MARCHF3: variants seen among roughly 807,000 people sequenced by gnomAD.
MARCHF3 encodes the protein E3 ubiquitin-protein ligase MARCHF3.
Under a neutral mutation model 24.2 loss-of-function variants are expected in MARCHF3, and 13 were observed. That is an observed-to-expected ratio of 0.54 (90% CI 0.35 to 0.85). The LOEUF is 0.85. Among genes scored for constraint, MARCHF3 ranks in the 40% least tolerant of loss-of-function variants. The pLI is 0.01. For missense variants in MARCHF3, 276 were observed against 325.0 expected (o/e 0.85, Z 1.16); for synonymous variants, 144 against 137.3 (o/e 1.05, Z -0.34).
chr5:126,925,561 T>A (rs1480958171), intron 1 of MARCHF3, among the ~76,000 whole-genome samples: 1 of 152,236 alleles, frequency 6.6e-6, no homozygotes, highest in African/African-American at 2.4e-5. Context: ...ATTTTTCATT[T>A]AATTTTAATT....
intron 1 of MARCHF3, among the ~76,000 whole-genome samples, chr5:126,991,670 G>A (rs1426026061): frequency 6.6e-6 from 1 of 151,602 alleles, no homozygotes; most frequent in African/African-American, 2.4e-5. Context: ...GCAGTGAGCT[G>A]AGAACGCACC....
intron 1 of MARCHF3, among the ~76,000 whole-genome samples, chr5:127,026,154 G>A (rs1299507684): frequency 6.6e-6 from 1 of 152,076 alleles, no homozygotes; most frequent in African/African-American, 2.4e-5. Context: ...ATGACCTATG[G>A]CCCAGTTTCA....
At chr5:126,969,148 C>T (rs1319895732) in intron 1 of MARCHF3, among the ~76,000 whole-genome samples, 1 of 152,114 alleles carries the variant, frequency 6.6e-6, no homozygotes, top group Non-Finnish European at 1.5e-5. Context: ...TCTTATGCAT[C>T]TGAATTTTTA....
At chr5:126,960,046 G>A (rs1010255423) in intron 1 of MARCHF3, among the ~76,000 whole-genome samples, 3 of 152,150 alleles carry the variant, frequency 2.0e-5, no homozygotes, top group Admixed American at 6.5e-5. Context: ...ATGAAGTCAA[G>A]CTGTGTGATA....
intron 1 of MARCHF3, among the ~76,000 whole-genome samples, chr5:126,944,743 G>A (rs1382254815): frequency 2.0e-5 from 3 of 152,314 alleles, no homozygotes; most frequent in Admixed American, 6.5e-5. Context: ...GTATGACTCT[G>A]TAAATCACTT....
chr5:126,978,815 T>G (rs914066021), intron 1 of MARCHF3, among the ~76,000 whole-genome samples: 1 of 152,180 alleles, frequency 6.6e-6, no homozygotes, highest in African/African-American at 2.4e-5. Context: ...AGTGAGGAAC[T>G]ACATGGAGCA....
chr5:126,984,645 G>A (rs1751501037), intron 1 of MARCHF3, among the ~76,000 whole-genome samples: 1 of 152,198 alleles, frequency 6.6e-6, no homozygotes, highest in Non-Finnish European at 1.5e-5. Flanking sequence ...ACCCCGCCAA[G>A]AAAATGCACT....
rs78417118 is a variant in MARCHF3, at chr5:126,956,852, C to A, written c.-56-38625G>T. 2.4e-3 allele frequency among the ~76,000 whole-genome samples: 368 copies of A among 152,246 alleles called. 1 individual carries two copies. Among genetic ancestry groups the A allele is most frequent in the African/African-American group, 8.1e-3 (335 of 41,546 alleles). On this transcript the variant is annotated intron_variant, in intron 1 of 4. Transcript: ENST00000308660. ...TAGTTGAACGAAACTGCCCATTTCA[C>A]CAAATCTTTGTCATGACTAGGTTTT...
chr5:126,881,601 T>C (rs1258880394), intron 3 of MARCHF3, among the ~76,000 whole-genome samples: 1 of 152,172 alleles, frequency 6.6e-6, no homozygotes. Flanking sequence ...AATGTACATT[T>C]TATATTTACT....
intron 1 of MARCHF3, among the ~76,000 whole-genome samples, chr5:126,966,527 A>G (rs567746497): frequency 3.3e-5 from 5 of 151,954 alleles, no homozygotes; most frequent in Non-Finnish European, 7.4e-5. Flanking sequence ...TTGTTTATAA[A>G]TGTCAAGTGG....
Position 126,931,633 on chromosome 5 carries a change from T to C in MARCHF3, c.-56-13406A>G, listed in dbSNP as rs577435078. On this transcript the variant is annotated intron_variant, in intron 1 of 4. Coordinates refer to ENST00000308660, the MANE Select transcript of MARCHF3 (RefSeq NM_178450.5). ...CACAGGCTCTATAGAAGGCCATCTT[T>C]ATGCTAGCAATTCGTTGTAAAATCT... is the stretch of plus-strand genomic sequence containing the variant. Among the ~76,000 whole-genome samples the C allele has an allele frequency of 2.0e-5, 3 of 151,882 alleles. No individual in the cohort carries two copies. The South Asian group carries it at 6.2e-4, about 32-fold the overall frequency.
intron 1 of MARCHF3, among the ~76,000 whole-genome samples, chr5:126,975,225 G>A (rs1227870881): frequency 2.0e-5 from 3 of 152,184 alleles, no homozygotes; most frequent in Non-Finnish European, 4.4e-5. Context: ...AAAGTGCTGG[G>A]ATTACAGGTG....
Position 127,020,856 on chromosome 5 carries a change from T to C in MARCHF3, c.-57+9494A>G, listed in dbSNP as rs1467020250. ...ACGGCGAGACCTTGTCTCAAATAAA[T>C]AAATAAATAAATAAAAATAATAAAA... is the stretch of plus-strand genomic sequence containing the variant. On this transcript the variant is annotated intron_variant, in intron 1 of 4. Transcript: ENST00000308660. 2.7e-5 allele frequency among the ~76,000 whole-genome samples: 4 copies of C among 150,868 alleles called. No individual in the cohort carries two copies. In the East Asian group the frequency reaches 7.7e-4, roughly 29 times the overall value.
intron 4 of MARCHF3, among the ~76,000 whole-genome samples, chr5:126,875,062 C>A (rs1753102896): frequency 6.6e-6 from 1 of 152,164 alleles, no homozygotes; most frequent in Non-Finnish European, 1.5e-5. Context: ...CCTCCAAACT[C>A]CAAACTGGGG....
chr5:127,026,608 G>T (rs2126867346), intron 1 of MARCHF3, among the ~76,000 whole-genome samples: 1 of 152,320 alleles, frequency 6.6e-6, no homozygotes, highest in Admixed American at 6.5e-5. Context: ...GAACGACTAA[G>T]CATAACCCTA....
chr5:126,967,493 G>C (rs1262578825), intron 1 of MARCHF3, among the ~76,000 whole-genome samples: 1 of 152,134 alleles, frequency 6.6e-6, no homozygotes, highest in Non-Finnish European at 1.5e-5. Flanking sequence ...AAGAGTTTGA[G>C]ACAAGCCTGG....
At chr5:126,915,664 C>T (rs1029406619) in intron 2 of MARCHF3, among the ~76,000 whole-genome samples, 6 of 152,192 alleles carry the variant, frequency 3.9e-5, no homozygotes, top group African/African-American at 1.4e-4. Context: ...CAGCACAAAG[C>T]TGAGTGGTGG....
intron 3 of MARCHF3, among the ~76,000 whole-genome samples, chr5:126,891,146 T>C (rs1239250318): frequency 3.3e-5 from 5 of 149,712 alleles, no homozygotes; most frequent in African/African-American, 4.9e-5. Context: ...TTTGTTTTTT[T>C]CTTGTAAATT....
intron 1 of MARCHF3, among the ~76,000 whole-genome samples, chr5:126,971,042 C>G (rs2126829002): frequency 6.6e-6 from 1 of 152,210 alleles, no homozygotes; most frequent in South Asian, 2.1e-4. Context: ...AATTCAAGAA[C>G]AGAGAGAAAT....
Sources: gnomAD v4.1 joint callset for allele counts (sites outside exome capture counted in the v4.1 genomes callset) on GRCh38, gnomAD v4.1.1 for gene constraint, MANE v1.5 for transcripts, NCBI Gene and HGNC (gene_info 2026-07-23, HGNC 2026-07-21) for gene names.